NOL8: variants seen among roughly 807,000 people sequenced by gnomAD.
NOL8 encodes the protein nucleolar protein 8.
Under a neutral mutation model 116.1 loss-of-function variants are expected in NOL8, and 93 were observed. The ratio of observed to expected loss-of-function variants is 0.80; its 90% confidence interval spans 0.68 to 0.95. The LOEUF (loss-of-function observed/expected upper bound fraction) is 0.95. NOL8 is among the 40% of genes least tolerant of loss of function. NOL8 has a pLI of 0.00. For synonymous variants in NOL8, 419 were observed against 469.0 expected (o/e 0.89, Z 1.38); for missense variants, 1,291 against 1,382.8 (o/e 0.93, Z 1.05).
chr9:92,314,566 T>C lies in NOL8; in HGVS notation c.2059A>G (p.Lys687Glu). The change falls in exon 7 of 17, where the codon AAG (lysine) becomes GAG (glutamate). Residue 687 changes from lysine (K) to glutamate (E), a missense_variant. Lys to Glu is a moderately conservative substitution (Grantham distance 56). Coordinates refer to ENST00000442668, the MANE Select transcript of NOL8 (RefSeq NM_017948.6). ...EGKKSLSLSA[K>E]THNIGFDKDS... The stretch of plus-strand genomic sequence containing the variant: ...TTGTCAAAGCCTATGTTGTGAGTCT[T>C]TGCACTAAGACTTAAGGACTTCTTA... 4.3e-6 allele frequency: 7 copies of C among 1,613,390 alleles called. No homozygotes were observed. The highest frequency in any genetic ancestry group is 5.9e-6 in the Non-Finnish European group (7 of 1,179,568).
intron 7 of NOL8, among the ~76,000 whole-genome samples, chr9:92,312,039 T>C (rs1214061230): frequency 6.6e-6 from 1 of 152,182 alleles, no homozygotes; most frequent in African/African-American, 2.4e-5. Flanking sequence ...AATGCAATCA[T>C]GTCCCTTACA....
At chr9:92,298,693 G>A (rs535360110) in intron 15 of NOL8, 191 bp downstream of exon 15, 2 of 477,686 alleles carry the variant, frequency 4.2e-6, no homozygotes, top group East Asian at 6.7e-5. Flanking sequence ...TGATGAGAAT[G>A]AGCGGGCAAA....
intron 14 of NOL8, 79 bp downstream of exon 14, chr9:92,299,811 A>C: frequency 6.9e-7 from 1 of 1,444,638 alleles, no homozygotes; most frequent in East Asian, 2.3e-5. Flanking sequence ...TGTGAAGAGA[A>C]GCTAAAATAT....
Position 92,315,275 on chromosome 9 carries a change from GGGA to G in NOL8, c.1347_1349del (p.Pro450del). The G allele has an allele frequency of 6.2e-7, 1 of 1,613,960 alleles. No homozygotes were observed. Among genetic ancestry groups the G allele is most frequent in the Non-Finnish European group, 8.5e-7 (1 of 1,179,836 alleles). ...CATCTTCACTGCTACTGGAGTGAGA[GGGA>G]GATTTACGATTAAGAGACTTTAATC... On this transcript the variant is annotated inframe_deletion, in exon 7 of 17. Coordinates refer to ENST00000442668, the MANE Select transcript of NOL8 (RefSeq NM_017948.6).
At position 92,314,680 on chromosome 9, in the gene NOL8, T is replaced by C. The variant is rs763811096; in HGVS notation, c.1945A>G (p.Thr649Ala). Residue 649 changes from threonine (T) to alanine (A), a missense_variant, in exon 7 of 17, where the codon ACC (threonine) becomes GCC (alanine). By Grantham distance (58) the Thr-to-Ala change is moderately conservative. Transcript: ENST00000442668. ...TTGCGATCCTGGCTTTCAAAAGTGG[T>C]CTGTCTTTTTTGAGGCTGAATATAG... ...PNYIQPQKRQ[T>A]TFESQDRKAV... is the part of the protein sequence containing the mutation. 8 of 1,613,632 alleles carry C rather than the reference T, an allele frequency of 5.0e-6. No individual in the cohort carries two copies. In the South Asian group the frequency reaches 8.8e-5, roughly 18 times the overall value.
At chr9:92,312,176 C>T (rs1393264183) in intron 7 of NOL8, among the ~76,000 whole-genome samples, 1 of 151,974 alleles carries the variant, frequency 6.6e-6, no homozygotes, top group Non-Finnish European at 1.5e-5. Flanking sequence ...AGCAATAGGC[C>T]AGGTACAGTG....
chr9:92,305,298 AC>A (rs971677406), intron 12 of NOL8, among the ~76,000 whole-genome samples: 1 of 152,292 alleles, frequency 6.6e-6, no homozygotes, highest in African/African-American at 2.4e-5. Flanking sequence ...GCCAAGGAAC[AC>A]CAAAGGATTG....
rs1267020716 is a variant in NOL8, at chr9:92,297,649, A to C, written c.*187T>G. On this transcript the variant is annotated 3_prime_UTR_variant, in exon 17 of 17. Transcript: ENST00000442668. ...AGAAGTTGAATTTAATTTTTGAAGT[A>C]ATTACTTAGGAAGAAATGCAGAGGA... The C allele has an allele frequency of 4.3e-5, 24 of 555,886 alleles. No individual in the cohort carries two copies. The East Asian group carries it at 7.3e-4, about 17-fold the overall frequency. 34.4% of individuals were successfully genotyped at this position (555,886 alleles called of 1,614,324 possible).
At chr9:92,320,358 G>C in intron 4 of NOL8, 1 of 344,982 alleles carries the variant, frequency 2.9e-6, no homozygotes, top group Admixed American at 3.8e-5. Flanking sequence ...TCTAGTGCCT[G>C]TACACAGTAG....
chr9:92,301,466 A>G, intron 13 of NOL8, 85 bp downstream of exon 13: 6 of 1,072,798 alleles, frequency 5.6e-6, no homozygotes, highest in Non-Finnish European at 7.8e-6. Flanking sequence ...TTCAGCTAAC[A>G]TGAAATCTGT....
Position 92,314,785 on chromosome 9 carries a change from C to T in NOL8, c.1840G>A (p.Glu614Lys). ...CCATTAACATATGGGGACCCATCTTCCATGGATATGATACTGGGATCCTCA... is the reference window on the plus strand; with the variant it reads ...CCATTAACATATGGGGACCCATCTTTCATGGATATGATACTGGGATCCTCA... The part of the protein sequence containing the change: ...KHEDPSIISM[E>K]DGSPYVNGSL... The change falls in exon 7 of 17, where the codon GAA becomes AAA. Residue 614 changes from glutamate (E) to lysine (K), a missense_variant. Glu to Lys is a moderately conservative substitution (Grantham distance 56). Transcript: ENST00000442668. The T allele has an allele frequency of 1.9e-6, 3 of 1,613,762 alleles. No individual in the cohort carries two copies. Among genetic ancestry groups the T allele is most frequent in the Middle Eastern group, 1.6e-4 (1 of 6,062 alleles).
chr9:92,319,583 A>G (rs1839746039), intron 4 of NOL8, among the ~76,000 whole-genome samples: 1 of 152,214 alleles, frequency 6.6e-6, no homozygotes, highest in African/African-American at 2.4e-5. Context: ...AGAAAACAAA[A>G]CATATTCCTT....
chr9:92,315,377 TTC>T lies in NOL8; in HGVS notation c.1246_1247del (p.Glu416LysfsTer3). ...STKKTSFKNR[E>X]NCELSDHCIK... is the part of the protein sequence containing the mutation. ...TACAGTGATCAGAAAGCTCACAGTT[TTC>T]TCTATTTTTGAAAGAAGTTTTCTTC... is the stretch of plus-strand genomic sequence containing the variant. On this transcript the variant is annotated frameshift_variant, in exon 7 of 17. Coordinates refer to ENST00000442668, the MANE Select transcript of NOL8 (RefSeq NM_017948.6). LOFTEE classifies it high-confidence loss of function. 1 of 1,603,108 alleles carries T rather than the reference TTC, an allele frequency of 6.2e-7. No individual in the cohort carries two copies. Among genetic ancestry groups the T allele is most frequent in the Non-Finnish European group, 8.5e-7 (1 of 1,173,676 alleles).
intron 10 of NOL8, 123 bp from the exon 11 acceptor site, chr9:92,307,147 T>C: frequency 9.9e-7 from 1 of 1,005,378 alleles, no homozygotes; most frequent in East Asian, 2.5e-5. Flanking sequence ...GAAGAAACTT[T>C]AACCTCATTT....
At chr9:92,318,033 CAAAAAAAA>C (rs745928872) in intron 6 of NOL8, among the ~76,000 whole-genome samples, 11 of 34,602 alleles carry the variant, frequency 3.2e-4, no homozygotes, top group Admixed American at 3.3e-4. Context: ...GACTCCATCT[CAAAAAAAA>C]AAAAAAAAAA....
At chr9:92,322,916 C>T (rs934424478) in intron 3 of NOL8, 1 of 152,634 alleles carries the variant, frequency 6.6e-6, no homozygotes, top group African/African-American at 2.4e-5. Context: ...CACTTTTTGG[C>T]CTCCAAATAA....
intron 12 of NOL8, among the ~76,000 whole-genome samples, chr9:92,303,977 A>C (rs1291443886): frequency 1.3e-5 from 2 of 152,234 alleles, no homozygotes; most frequent in Non-Finnish European, 2.9e-5. Flanking sequence ...GTGAATTCCA[A>C]GAAGATTCAC....
rs111536092 is a variant in NOL8, at chr9:92,315,980, G to A, written c.645C>T (p.Gly215=). Residue 215 remains glycine (G), a synonymous_variant, in exon 7 of 17, where the codon GGC becomes GGT. Transcript: ENST00000442668. ...GCACTTTTATTATCTTCTTGGGAGG[G>A]CCATGAAAGTCAGAGAACTCTCCTC... The part of the protein sequence containing the change: ...KRRGEFSDFH[G]PPKKIIKVQK... 17 of 1,613,888 alleles carry A rather than the reference G, an allele frequency of 1.1e-5. No individual in the cohort carries two copies. The highest frequency in any genetic ancestry group is 1.4e-5 in the Non-Finnish European group (16 of 1,179,866).
In NOL8 at chr9:92,305,840, AAAAG is replaced by A; in HGVS notation, c.2826-14_2826-11del. 1 of 1,596,796 alleles carries A rather than the reference AAAAG, an allele frequency of 6.3e-7. No individual in the cohort carries two copies. The highest frequency in any genetic ancestry group is 8.6e-7 in the Non-Finnish European group (1 of 1,165,060). ...ATAATGTATGATGTCCCTATGTAAA[AAAAG>A]GAAGGGAGGTTGGAAGAGATAAAAA... On this transcript the variant is annotated splice_polypyrimidine_tract_variant and intron_variant, in intron 11 of 16. Coordinates refer to ENST00000442668, the MANE Select transcript of NOL8 (RefSeq NM_017948.6).
Sources: allele counts gnomAD v4.1 joint callset (sites outside exome capture counted in the v4.1 genomes callset), GRCh38; gene constraint gnomAD v4.1.1; transcripts MANE v1.5; gene names NCBI Gene and HGNC (gene_info 2026-07-23, HGNC 2026-07-21).